The following FOXN1 variants were observed in gnomAD, a reference collection of about 807,000 sequenced individuals.
The protein encoded by FOXN1 is forkhead box protein N1.
In FOXN1, 15 loss-of-function variants were observed where a neutral mutation model predicts 49.0. The observed-to-expected ratio is 0.31, with a 90% confidence interval of 0.20 to 0.47. The LOEUF (loss-of-function observed/expected upper bound fraction) is 0.47, where lower values mean the gene tolerates loss of function less well. Ranked by LOEUF, FOXN1 falls within the 20% of genes least tolerant of loss-of-function variation. FOXN1 has a pLI of 1.00. For missense variants in FOXN1, 800 were observed against 842.8 expected (o/e 0.95, Z 0.63); for synonymous variants, 356 against 369.0 (o/e 0.96, Z 0.40).
intron 1 of FOXN1, among the ~76,000 whole-genome samples, chr17:28,514,026 C>T (rs982848438): frequency 6.6e-6 from 1 of 152,160 alleles, no homozygotes; most frequent in African/African-American, 2.4e-5. Context: ...TGGTGAATGG[C>T]AGGAAGGACA....
chr17:28,533,574 G>A (rs1385162213), intron 6 of FOXN1, among the ~76,000 whole-genome samples: 1 of 147,360 alleles, frequency 6.8e-6, no homozygotes, highest in African/African-American at 2.5e-5. Context: ...CACATCATAC[G>A]ATCATGGCTA....
chr17:28,537,231 T>G lies in FOXN1; in HGVS notation c.1742T>G (p.Phe581Cys). The G allele has an allele frequency of 6.2e-7, 1 of 1,613,418 alleles. No individual in the cohort carries two copies. The highest frequency in any genetic ancestry group is 2.2e-5 in the East Asian group (1 of 44,834). ...CCACCCCAGCCACCACCTCACTGCT[T>G]CCCCCCTGGGCCCTGTCTGACAGAG... Reference protein sequence around the residue: ...MPPPQPPPHCFPPGPCLTETG... With the variant: ...MPPPQPPPHCCPPGPCLTETG... Residue 581 changes from phenylalanine (F) to cysteine (C), a missense_variant, in exon 9 of 9, where the codon TTC becomes TGC. Phe to Cys is a radical substitution (Grantham distance 205). Around this residue, in one of 3 missense-constraint regions of FOXN1, gnomAD observed 344 missense variants for 366.1 expected, o/e 0.94. Transcript: ENST00000579795.
At chr17:28,515,649 G>A (rs2069478591) in intron 1 of FOXN1, among the ~76,000 whole-genome samples, 1 of 150,590 alleles carries the variant, frequency 6.6e-6, no homozygotes, top group Non-Finnish European at 1.5e-5. Context: ...GACTTCCACA[G>A]GTGTACACAC....
intron 1 of FOXN1, among the ~76,000 whole-genome samples, chr17:28,521,101 A>G (rs2069631869): frequency 6.6e-6 from 1 of 152,180 alleles, no homozygotes; most frequent in Non-Finnish European, 1.5e-5. Context: ...CACCATCCTC[A>G]CGATGACCCT....
At chr17:28,526,433 G>A (rs1476577910) in intron 3 of FOXN1, among the ~76,000 whole-genome samples, 1 of 152,208 alleles carries the variant, frequency 6.6e-6, no homozygotes, top group Admixed American at 6.5e-5. Flanking sequence ...GCCTCCTCCA[G>A]GGCTTGTCCA....
intron 3 of FOXN1, 91 bp downstream of exon 3, chr17:28,525,058 C>T: frequency 1.9e-6 from 2 of 1,027,840 alleles, no homozygotes; most frequent in Non-Finnish European, 2.9e-6. Flanking sequence ...ACCAAAGTCC[C>T]ACCTTCTCTT....
At chr17:28,512,408 G>T (rs1338598110) in intron 1 of FOXN1, among the ~76,000 whole-genome samples, 1 of 152,190 alleles carries the variant, frequency 6.6e-6, no homozygotes, top group East Asian at 1.9e-4. Flanking sequence ...GCCCTGAGTG[G>T]TTCTAGGCCA....
At chr17:28,509,914 C>A (rs2069353149) in intron 1 of FOXN1, among the ~76,000 whole-genome samples, 1 of 152,182 alleles carries the variant, frequency 6.6e-6, no homozygotes, top group Non-Finnish European at 1.5e-5. Flanking sequence ...ATCCCCGGGT[C>A]TCTACCCTGC....
chr17:28,517,648 A>G (rs1386366960), intron 1 of FOXN1, among the ~76,000 whole-genome samples: 3 of 69,726 alleles, frequency 4.3e-5, no homozygotes, highest in Non-Finnish European at 8.9e-5. Context: ...CAGGGTACAG[A>G]CCTCCACAGG....
intron 1 of FOXN1, among the ~76,000 whole-genome samples, chr17:28,515,340 C>T (rs1264435677): frequency 6.6e-6 from 1 of 151,616 alleles, no homozygotes; most frequent in South Asian, 2.1e-4. Context: ...CCACAGGGTA[C>T]ACACCTCCAC....
chr17:28,533,847 G>A (rs1393852490), intron 6 of FOXN1, among the ~76,000 whole-genome samples: 1 of 152,156 alleles, frequency 6.6e-6, no homozygotes, highest in African/African-American at 2.4e-5. Flanking sequence ...TAGTCCCAGA[G>A]GGGATAAGGC....
intron 1 of FOXN1, among the ~76,000 whole-genome samples, chr17:28,507,406 T>TA (rs1200729608): frequency 6.6e-6 from 1 of 152,110 alleles, no homozygotes; most frequent in Admixed American, 6.5e-5. Flanking sequence ...GCATGGGGGA[T>TA]ATGTCTGGAT....
chr17:28,521,193 G>A (rs969915603), intron 1 of FOXN1, among the ~76,000 whole-genome samples: 1 of 152,240 alleles, frequency 6.6e-6, no homozygotes, highest in Non-Finnish European at 1.5e-5. Flanking sequence ...AAGTCACACA[G>A]CCAGAAAGTG....
intron 1 of FOXN1, among the ~76,000 whole-genome samples, chr17:28,513,237 C>G (rs1192460708): frequency 6.6e-6 from 1 of 152,120 alleles, no homozygotes; most frequent in Non-Finnish European, 1.5e-5. Flanking sequence ...CCACTGCACT[C>G]CACCCTGGGT....
Position 28,535,151 on chromosome 17 carries a change from C to A in FOXN1, c.1580C>A (p.Thr527Asn). 6.2e-7 allele frequency: 1 copy of A among 1,613,200 alleles called. No homozygotes were observed. The highest frequency in any genetic ancestry group is 8.5e-7 in the Non-Finnish European group (1 of 1,179,630). The change falls in exon 8 of 9, where the codon ACT becomes AAT. Residue 527 changes from threonine (T) to asparagine (N), a missense_variant. Thr to Asn is a moderately conservative substitution (Grantham distance 65). Coordinates refer to ENST00000579795, the MANE Select transcript of FOXN1 (RefSeq NM_001369369.1). Reference protein sequence around the residue: ...DTLLPDGDLGTDLDAINPSLT... With the variant: ...DTLLPDGDLGNDLDAINPSLT... ...CTGCTGCCAGATGGAGACCTTGGCA[C>A]TGACCTGGATGCCATCAATCCCTCA...
intron 6 of FOXN1, among the ~76,000 whole-genome samples, chr17:28,532,685 A>C (rs2069941263): frequency 6.6e-6 from 1 of 152,214 alleles, no homozygotes; most frequent in Admixed American, 6.5e-5. Flanking sequence ...TGGACCCTGG[A>C]GTGGCCAGCA....
In FOXN1 at chr17:28,537,108, C is replaced by T. The variant is rs1483907466; in HGVS notation, c.1628-9C>T. On this transcript the variant is annotated splice_polypyrimidine_tract_variant and intron_variant, in intron 8 of 8. Transcript: ENST00000579795. ...CCCAGTGACACCTGTTCTCTCCTTCCCCATCTAGGAAACCTGTGGGAACAG... is the reference window on the plus strand; with the variant it reads ...CCCAGTGACACCTGTTCTCTCCTTCTCCATCTAGGAAACCTGTGGGAACAG... 2.5e-6 allele frequency: 4 copies of T among 1,612,402 alleles called. No individual in the cohort carries two copies. Among genetic ancestry groups the T allele is most frequent in the African/African-American group, 2.7e-5 (2 of 74,880 alleles).
chr17:28,515,957 AC>A (rs1289445301), intron 1 of FOXN1, among the ~76,000 whole-genome samples: 5 of 151,550 alleles, frequency 3.3e-5, no homozygotes, highest in African/African-American at 4.9e-5. Flanking sequence ...ACAGGTGTAC[AC>A]CCCTCCACAA....
intron 8 of FOXN1, 83 bp from the exon 9 acceptor site, chr17:28,537,034 T>A: frequency 2.9e-6 from 3 of 1,033,228 alleles, no homozygotes; most frequent in Non-Finnish European, 4.6e-6. Flanking sequence ...CTCTGCAGCA[T>A]GTGAAGATTG....
Sources: gnomAD v4.1 joint callset for allele counts (sites outside exome capture counted in the v4.1 genomes callset) on GRCh38, gnomAD v4.1.1 for gene constraint, gnomAD v4.1.1 regional missense constraint, MANE v1.5 for transcripts, NCBI Gene and HGNC (gene_info 2026-07-23, HGNC 2026-07-21) for gene names.